Variants in LRRTM4 observed in about 807,000 individuals in gnomAD.
LRRTM4 encodes leucine-rich repeat transmembrane neuronal protein 4.
LRRTM4 carries 25 observed loss-of-function variants against 47.6 expected under a neutral mutation model. The ratio of observed to expected loss-of-function variants is 0.53; its 90% confidence interval spans 0.38 to 0.73. The LOEUF is 0.73. Ranked by LOEUF, LRRTM4 falls within the 30% of genes least tolerant of loss-of-function variation. LRRTM4 has a pLI of 0.00. For synonymous variants in LRRTM4, 311 were observed against 269.5 expected, an observed-to-expected ratio of 1.15 and a Z score of -1.51; for missense variants, 638 against 713.4, an observed-to-expected ratio of 0.89 and a Z score of 1.20.
intron 3 of LRRTM4, among the ~76,000 whole-genome samples, chr2:77,461,169 G>GAA (rs56836231): frequency 6.8e-6 from 1 of 146,448 alleles, no homozygotes; most frequent in Non-Finnish European, 1.5e-5. Flanking sequence ...GAGAGAGAGA[G>GAA]TTCTATCTGC....
At chr2:77,144,871 C>T (rs1426551707) in intron 3 of LRRTM4, among the ~76,000 whole-genome samples, 3 of 152,036 alleles carry the variant, frequency 2.0e-5, no homozygotes, top group Non-Finnish European at 4.4e-5. Context: ...TTGTAAGGAC[C>T]ACTAGAAAAT....
At chr2:77,383,854 C>G (rs1222819634) in intron 3 of LRRTM4, among the ~76,000 whole-genome samples, 9 of 152,056 alleles carry the variant, frequency 5.9e-5, no homozygotes, top group African/African-American at 1.9e-4. Flanking sequence ...GACCTCAAAT[C>G]TACTTTAGTG....
intron 3 of LRRTM4, among the ~76,000 whole-genome samples, chr2:76,809,922 G>C (rs1380370619): frequency 6.6e-6 from 1 of 151,988 alleles, no homozygotes; most frequent in Non-Finnish European, 1.5e-5. Flanking sequence ...ACTTTATACA[G>C]TTCCTATTCA....
rs762767083 is a variant in LRRTM4 at position 76,890,607 on chromosome 2, T to A, written c.1552-141691A>T. On this transcript the variant is annotated intron_variant, in intron 3 of 3. Transcript: ENST00000409884. The stretch of plus-strand genomic sequence containing the variant: ...ATAAGAAAAAAATAGCAAATGGCTT[T>A]TATATATATCAACTGTATTACAATA... 3.3e-5 allele frequency among the ~76,000 whole-genome samples: 5 copies of A among 152,100 alleles called. No homozygotes were observed. The South Asian group carries it at 8.3e-4, about 25-fold the overall frequency.
rs546603209 is a variant in LRRTM4, at chr2:77,170,720, T to A, written c.1551+347598A>T. Among the ~76,000 whole-genome samples, 187 of 152,238 alleles carry A rather than the reference T, an allele frequency of 1.2e-3. 1 individual carries two copies. Among genetic ancestry groups the A allele is most frequent in the African/African-American group, 4.3e-3 (177 of 41,558 alleles). ...TGGTTTTGGAGCCAAGCAGGTAATG[T>A]GAATCAGTTCCTAAACCAAATGTTT... On this transcript the variant is annotated intron_variant, in intron 3 of 3. Transcript: ENST00000409884.
intron 3 of LRRTM4, among the ~76,000 whole-genome samples, chr2:77,086,641 CTTTCG>C (rs1466354793): frequency 6.6e-6 from 1 of 151,454 alleles, no homozygotes; most frequent in Non-Finnish European, 1.5e-5. Flanking sequence ...CCATGCCTGA[CTTTCG>C]TTTGTTTGTT....
At chr2:77,433,452 C>A (rs1174745073) in intron 3 of LRRTM4, among the ~76,000 whole-genome samples, 1 of 152,142 alleles carries the variant, frequency 6.6e-6, no homozygotes. Flanking sequence ...TCAGAGAAAG[C>A]TTATCTTCCA....
At chr2:77,412,873 G>A (rs1674496501) in intron 3 of LRRTM4, among the ~76,000 whole-genome samples, 1 of 152,010 alleles carries the variant, frequency 6.6e-6, no homozygotes, top group Non-Finnish European at 1.5e-5. Flanking sequence ...TTGTGACTCA[G>A]TTTTTTTAGT....
intron 3 of LRRTM4, among the ~76,000 whole-genome samples, chr2:76,894,943 T>C (rs1673365606): frequency 6.6e-6 from 1 of 151,642 alleles, no homozygotes; most frequent in Non-Finnish European, 1.5e-5. Flanking sequence ...TGCATTATAT[T>C]TTATCTTATC....
chr2:76,817,196 G>C (rs1670927467), intron 3 of LRRTM4, among the ~76,000 whole-genome samples: 1 of 151,958 alleles, frequency 6.6e-6, no homozygotes, highest in Admixed American at 6.6e-5. Context: ...AGTGCCAGGA[G>C]TGCATGCAGT....
chr2:76,853,497 A>G (rs1050590727), intron 3 of LRRTM4, among the ~76,000 whole-genome samples: 1 of 152,076 alleles, frequency 6.6e-6, no homozygotes, highest in Non-Finnish European at 1.5e-5. Context: ...TGCCCTTTAG[A>G]TATTAGAGTT....
At chr2:77,221,080 C>A (rs2103947714) in intron 3 of LRRTM4, among the ~76,000 whole-genome samples, 1 of 152,232 alleles carries the variant, frequency 6.6e-6, no homozygotes, top group African/African-American at 2.4e-5. Flanking sequence ...AATTTTCAAC[C>A]CAGAATTTCA....
chr2:76,874,937 A>T (rs1238683174), intron 3 of LRRTM4, among the ~76,000 whole-genome samples: 2 of 152,116 alleles, frequency 1.3e-5, no homozygotes, highest in African/African-American at 2.4e-5. Flanking sequence ...TATTTGTTAT[A>T]GTAATTTAAA....
At chr2:76,846,047 C>G (rs912842169) in intron 3 of LRRTM4, among the ~76,000 whole-genome samples, 1 of 152,024 alleles carries the variant, frequency 6.6e-6, no homozygotes, top group African/African-American at 2.4e-5. Flanking sequence ...GGAGGGCCTG[C>G]TTTTCATATA....
At chr2:76,757,422 T>C (rs1007131814) in intron 3 of LRRTM4, among the ~76,000 whole-genome samples, 5 of 152,138 alleles carry the variant, frequency 3.3e-5, no homozygotes, top group Non-Finnish European at 7.4e-5. Flanking sequence ...AGAGAGTTGA[T>C]TAAGTTAATG....
intron 3 of LRRTM4, among the ~76,000 whole-genome samples, chr2:77,462,673 A>G (rs2901847): frequency 0.62 from 94,044 of 151,938 alleles, 29,654 homozygotes; most frequent in East Asian, 0.8. Context: ...TATTCATGAT[A>G]TTGCTGGATT....
intron 3 of LRRTM4, among the ~76,000 whole-genome samples, chr2:77,005,475 T>C (rs1039933527): frequency 6.6e-6 from 1 of 152,084 alleles, no homozygotes; most frequent in Non-Finnish European, 1.5e-5. Context: ...ACATGAAATT[T>C]AGGAGGGGCC....
intron 3 of LRRTM4, among the ~76,000 whole-genome samples, chr2:77,492,515 T>G (rs1477571012): frequency 6.6e-6 from 1 of 152,146 alleles, no homozygotes; most frequent in Admixed American, 6.6e-5. Flanking sequence ...TGTCTTAGCC[T>G]CTCAAAGTTC....
At chr2:76,794,990 A>AAAAGCTAT (rs1187661598) in intron 3 of LRRTM4, among the ~76,000 whole-genome samples, 1 of 152,222 alleles carries the variant, frequency 6.6e-6, no homozygotes, top group Non-Finnish European at 1.5e-5. Context: ...TAACTTCACT[A>AAAAGCTAT]AAAGCTATAA....
Sources: allele counts gnomAD v4.1 joint callset (sites outside exome capture counted in the v4.1 genomes callset), GRCh38; gene constraint gnomAD v4.1.1; transcripts MANE v1.5; gene names NCBI Gene and HGNC (gene_info 2026-07-23, HGNC 2026-07-21).